The following FANCA variants were observed in gnomAD, a reference collection of about 807,000 sequenced individuals.
FANCA encodes the protein Fanconi anemia group A protein.
A neutral mutation model predicts 194.3 loss-of-function variants in FANCA; 236 were observed. The observed-to-expected ratio is 1.21, with a 90% CI of 1.09 to 1.35. The LOEUF is 1.35. Among genes scored for constraint, FANCA ranks in the 40% most tolerant of loss-of-function variants. The probability of loss-of-function intolerance (pLI) is 0.00; values close to 1 mark genes in which losing one functional copy is unlikely to be tolerated. For synonymous variants in FANCA, 1,014 were observed against 715.8 expected (o/e 1.42, Z -6.65); for missense variants, 2,628 against 1,813.9 (o/e 1.45, Z -8.15).
At chr16:89,739,816 G>C in intron 39 of FANCA, 178 bp downstream of exon 39, 1 of 1,466,798 alleles carries the variant, frequency 6.8e-7, no homozygotes, top group South Asian at 1.4e-5. Flanking sequence ...GTTGACCAGT[G>C]AGCCAGTAAA....
At position 89,749,717 on chromosome 16, in the gene FANCA, T is replaced by C; in HGVS notation, c.3239+13A>G. 6.2e-7 allele frequency: 1 copy of C among 1,611,824 alleles called. No individual in the cohort carries two copies. Among genetic ancestry groups the C allele is most frequent in the Non-Finnish European group, 8.5e-7 (1 of 1,178,912 alleles). ...AGGTGGTGCTGCCCTGCCCAGGTGG[T>C]AGTAGGTGTTACCGTTTGTACATTA... On this transcript the variant is annotated intron_variant, in intron 32 of 42. Transcript: ENST00000389301.
chr16:89,785,328 T>C (rs975631008), intron 14 of FANCA, among the ~76,000 whole-genome samples: 18 of 152,212 alleles, frequency 1.2e-4, no homozygotes, highest in African/African-American at 4.3e-4. Context: ...TTGGGATCCT[T>C]AGGGGTACAA....
chr16:89,810,965 C>G lies in FANCA; in HGVS notation c.390G>C (p.Glu130Asp), dbSNP rs781401861. 1 of 1,614,118 alleles carries G rather than the reference C, an allele frequency of 6.2e-7. No homozygotes were observed. Among genetic ancestry groups the G allele is most frequent in the South Asian group, 1.1e-5 (1 of 91,088 alleles). ...SVGQICTAPA[E>D]TSHPVLLTVE... ...CAGTCAGCAGCACAGGGTGACTGGT[C>G]TCCGCTGGAGCCGTGCAGATCTGTC... Residue 130 changes from glutamate (E) to aspartate (D), a missense_variant, in exon 4 of 43, where the codon GAG becomes GAC. Physicochemically the swap from Glu to Asp is conservative, Grantham distance 45 (BLOSUM62 2). Coordinates refer to ENST00000389301, the MANE Select transcript of FANCA (RefSeq NM_000135.4).
chr16:89,791,703 G>A, intron 13 of FANCA, 167 bp from the exon 14 acceptor site: 2 of 1,071,342 alleles, frequency 1.9e-6, no homozygotes, highest in Non-Finnish European at 2.7e-6. Context: ...CAAACCACTA[G>A]AGACCTGAAT....
At chr16:89,774,752 A>AAAAAAAAAAAAAAAC (rs2039442512) in intron 21 of FANCA, among the ~76,000 whole-genome samples, 3 of 148,216 alleles carry the variant, frequency 2.0e-5, no homozygotes, top group Non-Finnish European at 3.0e-5. Flanking sequence ...AAAAAAAAAA[A>AAAAAAAAAAAAAAAC]AATCTCAACG....
At chr16:89,811,162 G>T in intron 3 of FANCA, 91 bp from the exon 4 acceptor site, 1 of 1,537,728 alleles carries the variant, frequency 6.5e-7, no homozygotes, top group Non-Finnish European at 8.9e-7. Flanking sequence ...CTTATTTTAA[G>T]ATGCAGCACA....
At chr16:89,816,052 C>G (rs1206189738) in intron 1 of FANCA, 66 bp from the exon 2 acceptor site, 4 of 1,201,786 alleles carry the variant, frequency 3.3e-6, no homozygotes, top group Admixed American at 3.5e-5. Context: ...CGGCCCGACG[C>G]GCAGGTGGAC....
intron 17 of FANCA, 144 bp from the exon 18 acceptor site, chr16:89,780,101 G>C: frequency 2.6e-6 from 2 of 765,226 alleles, no homozygotes; most frequent in Admixed American, 2.0e-5. Context: ...TGTGCGCACA[G>C]CAGGGGCCCT....
intron 3 of FANCA, among the ~76,000 whole-genome samples, chr16:89,811,302 G>T (rs555674507): frequency 6.6e-6 from 1 of 152,190 alleles, no homozygotes; most frequent in Admixed American, 6.5e-5. Context: ...TTATACATTG[G>T]TATTTGTTAC....
Position 89,779,197 on chromosome 16 carries a change from G to A in FANCA, c.1716-194C>T, listed in dbSNP as rs891084269. ...GCCGTGCTAGCCCAGCCCTGAGTCC[G>A]TGGGAATCAGGACCACATTCGGCCT... is the stretch of plus-strand genomic sequence containing the variant. On this transcript the variant is annotated intron_variant, in intron 18 of 42. Coordinates refer to ENST00000389301, the MANE Select transcript of FANCA (RefSeq NM_000135.4). 4.6e-5 allele frequency among the ~76,000 whole-genome samples: 7 copies of A among 152,110 alleles called. No homozygotes were observed. The South Asian group carries it at 1.0e-3, about 22-fold the overall frequency.
intron 28 of FANCA, 31 bp from the exon 29 acceptor site, chr16:89,762,053 T>C: frequency 6.4e-7 from 1 of 1,550,612 alleles, no homozygotes; most frequent in Non-Finnish European, 8.9e-7. Context: ...TTCAATACAA[T>C]GAGGACAGAA....
At chr16:89,748,392 G>A (rs1021555846) in intron 33 of FANCA, among the ~76,000 whole-genome samples, 3 of 152,236 alleles carry the variant, frequency 2.0e-5, no homozygotes, top group African/African-American at 7.2e-5. Context: ...GATTCCATGT[G>A]TCAAAATCAT....
intron 5 of FANCA, among the ~76,000 whole-genome samples, chr16:89,809,338 T>C (rs1217698039): frequency 2.0e-5 from 3 of 152,190 alleles, no homozygotes; most frequent in Admixed American, 6.5e-5. Context: ...TAGTGGCTTG[T>C]TTCCCAAGCT....
chr16:89,775,294 A>G (rs547637505), intron 21 of FANCA, among the ~76,000 whole-genome samples: 1 of 152,284 alleles, frequency 6.6e-6, no homozygotes, highest in South Asian at 2.1e-4. Context: ...CGACAGCTGC[A>G]CCACTGCTCC....
intron 36 of FANCA, 45 bp from the exon 37 acceptor site, chr16:89,742,983 C>G (rs374069261): frequency 1.3e-6 from 2 of 1,595,910 alleles, no homozygotes; most frequent in African/African-American, 2.7e-5. Flanking sequence ...TACAACCATA[C>G]AACCACGCCA....
chr16:89,744,774 G>C, intron 36 of FANCA, 185 bp downstream of exon 36: 3 of 647,736 alleles, frequency 4.6e-6, no homozygotes, highest in South Asian at 1.7e-5. Flanking sequence ...CTCCTGCCTC[G>C]GCCTCCCCAG....
intron 6 of FANCA, among the ~76,000 whole-genome samples, chr16:89,806,003 C>A (rs1050077668): frequency 2.6e-5 from 4 of 152,132 alleles, no homozygotes; most frequent in African/African-American, 9.7e-5. Context: ...ACCTCCGCCT[C>A]CCAAGTTCAA....
At chr16:89,769,139 C>T (rs1221711010) in intron 26 of FANCA, among the ~76,000 whole-genome samples, 1 of 152,218 alleles carries the variant, frequency 6.6e-6, no homozygotes, top group East Asian at 1.9e-4. Flanking sequence ...AATGTCAGAT[C>T]TCCCCTTTCC....
At chr16:89,752,975 C>T (rs903591354) in intron 30 of FANCA, among the ~76,000 whole-genome samples, 8 of 152,282 alleles carry the variant, frequency 5.3e-5, no homozygotes, top group South Asian at 2.1e-4. Context: ...CGCAGTTATC[C>T]GGAGGCCTCA....
Sources: gnomAD v4.1 joint callset for allele counts (sites outside exome capture counted in the v4.1 genomes callset) on GRCh38, gnomAD v4.1.1 for gene constraint, MANE v1.5 for transcripts, NCBI Gene and HGNC (gene_info 2026-07-23, HGNC 2026-07-21) for gene names.